The following CLDN16 variants were observed in gnomAD, a reference collection of about 807,000 sequenced individuals.
The protein encoded by CLDN16 is claudin 16, also known as claudin-16.
CLDN16 carries 13 observed loss-of-function variants against 24.6 expected under a neutral mutation model. The ratio of observed to expected loss-of-function variants is 0.53; its 90% CI spans 0.34 to 0.84. The LOEUF is 0.84. Among genes scored for constraint, CLDN16 ranks in the 40% least tolerant of loss-of-function variants. CLDN16 has a pLI of 0.01. For synonymous variants in CLDN16, 116 were observed against 106.7 expected, an observed-to-expected ratio of 1.09 and a Z score of -0.54; for missense variants, 298 against 292.7, an observed-to-expected ratio of 1.02 and a Z score of -0.13.
At chr3:190,407,046 C>T (rs1719124370) in intron 3 of CLDN16, among the ~76,000 whole-genome samples, 1 of 152,056 alleles carries the variant, frequency 6.6e-6, no homozygotes, top group South Asian at 2.1e-4. Flanking sequence ...GGCCTATCTG[C>T]TCCTTCTTAA....
intron 1 of CLDN16, among the ~76,000 whole-genome samples, chr3:190,395,894 T>C (rs1718808111): frequency 6.6e-6 from 1 of 151,916 alleles, no homozygotes; most frequent in Non-Finnish European, 1.5e-5. Context: ...GATAGATACA[T>C]AGATAGATAG....
Position 190,388,309 on chromosome 3 carries a change from C to G in CLDN16, c.-21C>G. On this transcript the variant is annotated 5_prime_UTR_variant, in exon 1 of 5. It adds an upstream start codon to the 5' untranslated region. Transcript: ENST00000264734. ...GGCTGGTGTCTGCCCATGTTGCCAT[C>G]CTGATGGGCTGCTTGCCACAATGAG... The G allele has an allele frequency of 1.9e-6, 3 of 1,614,154 alleles. No homozygotes were observed. Among genetic ancestry groups the G allele is most frequent in the Non-Finnish European group, 2.5e-6 (3 of 1,180,032 alleles).
intron 1 of CLDN16, among the ~76,000 whole-genome samples, chr3:190,322,916 G>T (rs1323995154): frequency 1.3e-5 from 2 of 151,400 alleles, no homozygotes; most frequent in African/African-American, 4.9e-5. Flanking sequence ...CTTCTGTCAA[G>T]GTCGTTCCAT....
intron 2 of CLDN16, among the ~76,000 whole-genome samples, chr3:190,373,278 A>G (rs935046814): frequency 6.6e-6 from 1 of 151,900 alleles, no homozygotes; most frequent in African/African-American, 2.4e-5. Context: ...GACTCACCCA[A>G]TCTGCTCCTT....
At chr3:190,355,209 T>C (rs1717743548) in intron 1 of CLDN16, among the ~76,000 whole-genome samples, 1 of 152,012 alleles carries the variant, frequency 6.6e-6, no homozygotes, top group Admixed American at 6.6e-5. Context: ...ATTAAATGTC[T>C]GTGATAAACA....
intron 1 of CLDN16, among the ~76,000 whole-genome samples, chr3:190,347,216 G>C (rs778658333): frequency 1.1e-4 from 17 of 152,290 alleles, no homozygotes; most frequent in Non-Finnish European, 2.2e-4. Context: ...GCAACGTATA[G>C]ATGATTCTGA....
chr3:190,397,614 A>G (rs1560096568), intron 1 of CLDN16, among the ~76,000 whole-genome samples: 1 of 152,210 alleles, frequency 6.6e-6, no homozygotes, highest in Non-Finnish European at 1.5e-5. Flanking sequence ...GAAAAATTGT[A>G]ACCTTGTCTT....
chr3:190,383,928 A>G (rs1365012614), upstream of CLDN16, among the ~76,000 whole-genome samples: 1 of 152,204 alleles, frequency 6.6e-6, no homozygotes, highest in Non-Finnish European at 1.5e-5. Flanking sequence ...CACTTCATTA[A>G]GACCTTTACA....
At chr3:190,399,294 A>C (rs1454052874) in intron 1 of CLDN16, among the ~76,000 whole-genome samples, 1 of 152,180 alleles carries the variant, frequency 6.6e-6, no homozygotes, top group Non-Finnish European at 1.5e-5. Flanking sequence ...ACCTGAGGTC[A>C]GGAGTTCGAG....
At chr3:190,404,234 T>C (rs1285278963) in intron 2 of CLDN16, among the ~76,000 whole-genome samples, 1 of 152,210 alleles carries the variant, frequency 6.6e-6, no homozygotes, top group Non-Finnish European at 1.5e-5. Context: ...CTCCTTCTTC[T>C]AAAGATCTCC....
chr3:190,376,783 G>A (rs1718257479), intron 3 of CLDN16, among the ~76,000 whole-genome samples: 1 of 151,952 alleles, frequency 6.6e-6, no homozygotes, highest in Admixed American at 6.6e-5. Context: ...TTTGATAAGT[G>A]ATGTAACAGG....
chr3:190,333,041 T>C (rs1717216846), intron 1 of CLDN16, among the ~76,000 whole-genome samples: 1 of 152,136 alleles, frequency 6.6e-6, no homozygotes, highest in Admixed American at 6.5e-5. Flanking sequence ...AGAATATTAC[T>C]GCCATTAGAA....
chr3:190,348,118 G>A (rs987709623), intron 1 of CLDN16, among the ~76,000 whole-genome samples: 2 of 150,496 alleles, frequency 1.3e-5, no homozygotes, highest in Non-Finnish European at 1.5e-5. Context: ...TAGCTGGCAC[G>A]GTGGCACTTG....
At position 190,409,918 on chromosome 3, in the gene CLDN16, G is replaced by A. The variant is rs756589441; in HGVS notation, c.590G>A (p.Arg197Lys). The change falls in exon 5 of 5, where the codon AGA becomes AAA. Residue 197 changes from arginine (R) to lysine (K), a missense_variant. Coordinates refer to ENST00000264734, the MANE Select transcript of CLDN16 (RefSeq NM_006580.4). ...LYLFKDVGPE[R>K]NYPYSLRKAY... is the part of the protein sequence containing the mutation. The stretch of plus-strand genomic sequence containing the variant: ...TTTCAAACAGATGTTGGACCTGAGA[G>A]AAACTATCCTTATTCCTTGAGGAAA... The A allele has an allele frequency of 1.9e-6, 3 of 1,614,062 alleles. No homozygotes were observed. The South Asian group carries it at 3.3e-5, about 18-fold the overall frequency.
intron 1 of CLDN16, among the ~76,000 whole-genome samples, chr3:190,335,708 CAAAA>C (rs34082811): frequency 2.5e-4 from 15 of 60,130 alleles, no homozygotes; most frequent in Non-Finnish European, 3.6e-4. Flanking sequence ...AAGACTCCAT[CAAAA>C]AAAAAAAAAA....
At chr3:190,375,460 A>G (rs7638137) in intron 3 of CLDN16, among the ~76,000 whole-genome samples, 84,975 of 151,736 alleles carry the variant, frequency 0.56, 24,120 homozygotes, top group African/African-American at 0.64. Flanking sequence ...AGTACCTCAT[A>G]CATGACTATG....
the CLDN16 span, among the ~76,000 whole-genome samples, chr3:190,301,257 G>A: frequency 6.6e-6 from 1 of 152,166 alleles, no homozygotes; most frequent in African/African-American, 2.4e-5. Flanking sequence ...CACTTTGGGA[G>A]ACTGAGGTGG....
chr3:190,388,407 T>A lies in CLDN16; in HGVS notation c.78T>A (p.Thr26=), dbSNP rs1718564576. The A allele has an allele frequency of 6.2e-7, 1 of 1,613,950 alleles. No individual in the cohort carries two copies. The highest frequency in any genetic ancestry group is 1.7e-5 in the Admixed American group (1 of 59,990). The change falls in exon 1 of 5, where the codon ACT becomes ACA. Residue 26 remains threonine (T), a synonymous_variant. Transcript: ENST00000264734. ...GGTTTTTGATTGTGGCCACCTGGAC[T>A]GACTGTTGGATGGTGAATGCTGATG... The part of the protein sequence containing the change: ...SAGFLIVATW[T]DCWMVNADDS...
chr3:190,391,914 ATTTGGGTTTTGAGAT>A (rs1379181225), intron 1 of CLDN16, among the ~76,000 whole-genome samples: 1 of 152,116 alleles, frequency 6.6e-6, no homozygotes, highest in Non-Finnish European at 1.5e-5. Context: ...GGAGAAGAGA[ATTTGGGTTTTGAGAT>A]TTTTCAAGCG....
Sources: gnomAD v4.1 joint callset for allele counts (sites outside exome capture counted in the v4.1 genomes callset) on GRCh38, gnomAD v4.1.1 for gene constraint, MANE v1.5 for transcripts, NCBI Gene and HGNC (gene_info 2026-07-23, HGNC 2026-07-21) for gene names.